Variants in NAV2 observed in about 807,000 individuals in gnomAD.
The protein encoded by NAV2 is neuron navigator 2.
A neutral mutation model predicts 223.2 loss-of-function variants in NAV2; 54 were observed. The observed-to-expected ratio is 0.24, with a 90% CI of 0.19 to 0.30. NAV2 has a LOEUF of 0.30. NAV2 is among the 10% of genes least tolerant of loss of function. NAV2 has a pLI of 1.00. For missense variants in NAV2, 2,806 were observed against 3,147.5 expected (o/e 0.89, Z 2.60); for synonymous variants, 1,279 against 1,239.3 (o/e 1.03, Z -0.67).
chr11:19,833,416 T>C (rs1185514622), intron 2 of NAV2, among the ~76,000 whole-genome samples: 1 of 152,228 alleles, frequency 6.6e-6, no homozygotes, highest in African/African-American at 2.4e-5. Flanking sequence ...TCTGCTCAAA[T>C]CCGTGGAGTA....
Position 20,063,149 on chromosome 11 carries a change from T to A in NAV2, c.4884+790T>A, listed in dbSNP as rs184841933. On this transcript the variant is annotated intron_variant, in intron 20 of 37. Coordinates refer to ENST00000349880, the MANE Select transcript of NAV2 (RefSeq NM_145117.5). ...TTTTTATTCCTAGTGCCTAGAACAGTACCTAGCACGTAGTAGGTATTTTTT... is the reference window on the plus strand; with the variant it reads ...TTTTTATTCCTAGTGCCTAGAACAGAACCTAGCACGTAGTAGGTATTTTTT... Among the ~76,000 whole-genome samples, 963 of 152,338 alleles carry A rather than the reference T, an allele frequency of 6.3e-3. 6 individuals carry two copies. The highest frequency in any genetic ancestry group is 9.9e-3 in the Non-Finnish European group (676 of 68,028).
At chr11:19,452,000 A>G (rs1851804316) in intron 1 of NAV2, among the ~76,000 whole-genome samples, 1 of 152,176 alleles carries the variant, frequency 6.6e-6, no homozygotes, top group Non-Finnish European at 1.5e-5. Context: ...TGTCTTTACC[A>G]TGAAGTATCC....
rs2049976809 is a variant in NAV2, at chr11:19,712,944, C to G, written c.-752C>G. On this transcript the variant is annotated 5_prime_UTR_variant, in exon 1 of 38. Coordinates refer to ENST00000349880, the MANE Select transcript of NAV2 (RefSeq NM_145117.5). Reference sequence around the variant, plus strand: ...CCCGCCAGCCGCGCGTCCCGGCGCCCGCGCCCCACGGCCACAGCCTTGCCT... The same window carrying G: ...CCCGCCAGCCGCGCGTCCCGGCGCCGGCGCCCCACGGCCACAGCCTTGCCT... 6.6e-6 allele frequency among the ~76,000 whole-genome samples: 1 copy of G among 151,828 alleles called. No homozygotes were observed. Among genetic ancestry groups the G allele is most frequent in the South Asian group, 2.1e-4 (1 of 4,838 alleles).
rs558669550 is a variant in NAV2 at position 19,695,731 on chromosome 11, CAATCTCTACTAAAAATATAAAA to C, written c.76-136751_76-136730del. 4.1e-3 allele frequency among the ~76,000 whole-genome samples: 617 copies of C among 151,990 alleles called. 4 individuals are homozygous for C. The highest frequency in any genetic ancestry group is 0.014 in the African/African-American group (564 of 41,470). ...CCAGCCTGGCCAACATGGTGAAACCCAATCTCTACTAAAAATATAAAAATTAGCCAGGCATGGTGGTGTGTGC... is the reference window on the plus strand; with the variant it reads ...CCAGCCTGGCCAACATGGTGAAACCCATTAGCCAGGCATGGTGGTGTGTGC... On this transcript the variant is annotated intron_variant, in intron 1 of 37. Transcript: ENST00000360655.
At chr11:19,571,444 C>T (rs1392208825) in intron 1 of NAV2, among the ~76,000 whole-genome samples, 1 of 152,160 alleles carries the variant, frequency 6.6e-6, no homozygotes, top group Non-Finnish European at 1.5e-5. Context: ...GGCACAGTGC[C>T]AGCCTGTAAT....
At chr11:19,446,993 T>C (rs1214264821) in intron 1 of NAV2, among the ~76,000 whole-genome samples, 2 of 152,108 alleles carry the variant, frequency 1.3e-5, no homozygotes, top group Non-Finnish European at 2.9e-5. Context: ...GAAAAGAACA[T>C]TGCATGAGGA....
At chr11:19,405,695 A>G (rs1382336029) in intron 1 of NAV2, among the ~76,000 whole-genome samples, 1 of 152,220 alleles carries the variant, frequency 6.6e-6, no homozygotes, top group Admixed American at 6.5e-5. Flanking sequence ...CATTGGATTG[A>G]GTTATTAAAT....
chr11:19,859,137 C>CTTTTT (rs569446282), intron 3 of NAV2, among the ~76,000 whole-genome samples: 21 of 107,100 alleles, frequency 2.0e-4, no homozygotes, highest in African/African-American at 3.8e-4. Flanking sequence ...ATCATATTCT[C>CTTTTT]TTTTTTTTTT....
intron 1 of NAV2, among the ~76,000 whole-genome samples, chr11:19,616,836 A>C (rs7928148): frequency 0.92 from 140,180 of 151,986 alleles, 65,269 homozygotes; most frequent in Non-Finnish European, 0.99. Flanking sequence ...ATTGAGGCTG[A>C]GGGGTTAGCA....
At position 20,044,270 on chromosome 11, in the gene NAV2, C is replaced by G; in HGVS notation, c.3197C>G (p.Thr1066Ser). 2.5e-6 allele frequency: 4 copies of G among 1,606,128 alleles called. No homozygotes were observed. The highest frequency in any genetic ancestry group is 3.4e-6 in the Non-Finnish European group (4 of 1,173,812). Residue 1066 changes from threonine (T) to serine (S), a missense_variant and splice_region_variant, in exon 13 of 38, where the codon ACT becomes AGT. Transcript: ENST00000349880. Reference sequence around the variant, plus strand: ...GCAGGCGCACTGAAGACCCCAGGAACTGGTAAGAGGCCGGGGCTGTCTTGG... The same window carrying G: ...GCAGGCGCACTGAAGACCCCAGGAAGTGGTAAGAGGCCGGGGCTGTCTTGG... ...APAGALKTPG[T>S]GKTDDAKVSE...
At chr11:19,906,675 C>T (rs2042886694) in intron 6 of NAV2, among the ~76,000 whole-genome samples, 1 of 152,186 alleles carries the variant, frequency 6.6e-6, no homozygotes, top group South Asian at 2.1e-4. Context: ...TCCTTGGTTA[C>T]CCCAGTCCCA....
At chr11:19,791,011 G>A (rs2057479907) in intron 1 of NAV2, among the ~76,000 whole-genome samples, 1 of 151,946 alleles carries the variant, frequency 6.6e-6, no homozygotes, top group Non-Finnish European at 1.5e-5. Flanking sequence ...TCCCTGTGAT[G>A]TAAGTACTAT....
At chr11:20,095,861 A>G (rs2061227033) in intron 30 of NAV2, 94 bp downstream of exon 30, 5 of 891,580 alleles carry the variant, frequency 5.6e-6, no homozygotes, top group Non-Finnish European at 7.6e-6. Context: ...GAGCTTGGCC[A>G]TTTCTCAGAC....
At chr11:19,815,744 A>G (rs1317252739) in intron 1 of NAV2, among the ~76,000 whole-genome samples, 1 of 152,096 alleles carries the variant, frequency 6.6e-6, no homozygotes, top group Non-Finnish European at 1.5e-5. Context: ...CTGGTATCTC[A>G]CTGGCTTCAT....
chr11:19,483,142 A>G (rs2042332255), intron 1 of NAV2, among the ~76,000 whole-genome samples: 1 of 152,244 alleles, frequency 6.6e-6, no homozygotes, highest in Non-Finnish European at 1.5e-5. Flanking sequence ...TAGGCAAGTA[A>G]GTACTATTAG....
intron 19 of NAV2, chr11:20,056,702 G>A (rs1043919113): frequency 3.1e-5 from 30 of 957,296 alleles, no homozygotes; most frequent in South Asian, 5.3e-5. Context: ...GGACATTGGC[G>A]GCAATGCTCA....
intron 11 of NAV2, among the ~76,000 whole-genome samples, chr11:19,990,310 G>A (rs1343064416): frequency 6.6e-6 from 1 of 152,138 alleles, no homozygotes; most frequent in Non-Finnish European, 1.5e-5. Context: ...ACAGGTCAGG[G>A]GTGATGCTTC....
At chr11:19,483,700 G>T (rs2632024) in intron 1 of NAV2, among the ~76,000 whole-genome samples, 1,821 of 152,300 alleles carry the variant, frequency 0.012, 36 homozygotes, top group African/African-American at 0.042. Flanking sequence ...GATGGAAAAG[G>T]TATTAAGTTT....
At chr11:20,097,795 G>T in intron 31 of NAV2, 50 bp downstream of exon 31, 1 of 1,499,350 alleles carries the variant, frequency 6.7e-7, no homozygotes, top group Non-Finnish European at 8.9e-7. Flanking sequence ...TGCAGTGTTT[G>T]TTTTGTGACT....
Sources: gnomAD v4.1 joint callset for allele counts (sites outside exome capture counted in the v4.1 genomes callset) on GRCh38, gnomAD v4.1.1 for gene constraint, MANE v1.5 for transcripts, NCBI Gene and HGNC (gene_info 2026-07-23, HGNC 2026-07-21) for gene names.